UGT1A4: variants seen among roughly 807,000 people sequenced by gnomAD.
UGT1A4 encodes UDP glucuronosyltransferase family 1 member A4.
In UGT1A4, 32 loss-of-function variants were observed where a neutral mutation model predicts 41.1. The ratio of observed to expected loss-of-function variants is 0.78; its 90% confidence interval spans 0.59 to 1.05. The LOEUF is 1.05. Among genes scored for constraint, UGT1A4 ranks in the 50% least tolerant of loss-of-function variants. The pLI is 0.00. For synonymous variants in UGT1A4, 283 were observed against 265.1 expected (o/e 1.07, Z -0.66); for missense variants, 748 against 677.4 (o/e 1.10, Z -1.16).
At position 233,768,743 on chromosome 2, in the gene UGT1A4, C is replaced by T. The variant is rs540797215; in HGVS notation, c.1307+304C>T. Among the ~76,000 whole-genome samples the T allele has an allele frequency of 5.3e-5, 8 of 151,788 alleles. No homozygotes were observed. In the South Asian group the frequency reaches 1.3e-3, roughly 24 times the overall value. On this transcript the variant is annotated intron_variant, in intron 4 of 4. Coordinates refer to ENST00000373409, the MANE Select transcript of UGT1A4 (RefSeq NM_007120.3). ...GATTACAGGTGTCCACCACCACGCC[C>T]GGTTAATTTTTGTATTTTTTAGTAG...
At chr2:233,770,794 T>A (rs1195503821) in intron 4 of UGT1A4, 2 of 152,196 alleles carry the variant, frequency 1.3e-5, no homozygotes, top group Non-Finnish European at 2.9e-5. Flanking sequence ...ATTATAGATA[T>A]GTTTAAAGAC....
intron 1 of UGT1A4, among the ~76,000 whole-genome samples, chr2:233,752,997 A>G (rs1695105472): frequency 6.6e-6 from 1 of 151,602 alleles, no homozygotes. Context: ...CACTCATTCT[A>G]TCCTACCCAG....
chr2:233,734,937 T>C lies in UGT1A4; in HGVS notation c.867+15250T>C, dbSNP rs140853448. 9.9e-3 allele frequency among the ~76,000 whole-genome samples: 1,505 copies of C among 152,312 alleles called. 23 individuals are homozygous for C. Among genetic ancestry groups the C allele is most frequent in the African/African-American group, 0.035 (1,436 of 41,556 alleles). On this transcript the variant is annotated intron_variant, in intron 1 of 4. Coordinates refer to ENST00000373409, the MANE Select transcript of UGT1A4 (RefSeq NM_007120.3). ...CTAAGGAGTGCTTTACTTACAATCA[T>C]ATGGTCAGTTTTAGAATAAGTGTGA...
chr2:233,755,060 C>T, intron 1 of UGT1A4: 1 of 1,334,970 alleles, frequency 7.5e-7, no homozygotes, highest in Non-Finnish European at 1.0e-6. Context: ...CCGCCCTCGC[C>T]TCGCCATAGC....
At position 233,767,873 on chromosome 2, in the gene UGT1A4, C is replaced by T. The variant is rs72551349; in HGVS notation, c.1024C>T (p.Arg342Ter). 2.0e-5 allele frequency: 32 copies of T among 1,614,038 alleles called. No homozygotes were observed. Among genetic ancestry groups the T allele is most frequent in the South Asian group, 1.5e-4 (14 of 91,082 alleles). The change falls in exon 3 of 5, where the codon CGA becomes TGA. Residue 342 changes from arginine (R) to a stop codon, truncating the protein, a stop_gained. Transcript: ENST00000373409. LOFTEE classifies it high-confidence loss of function. Reference sequence around the variant, plus strand: ...GGTCCTGTGGCGGTACACTGGAACCCGACCATCGAATCTTGCGAACAACAC... The same window carrying T: ...GGTCCTGTGGCGGTACACTGGAACCTGACCATCGAATCTTGCGAACAACAC... ...QTVLWRYTGT[R>*]PSNLANNTIL...
intron 1 of UGT1A4, among the ~76,000 whole-genome samples, chr2:233,724,125 CA>C (rs1371340693): frequency 1.8e-5 from 2 of 108,584 alleles, no homozygotes; most frequent in Non-Finnish European, 3.7e-5. Flanking sequence ...AGGCGCCCCT[CA>C]CCTCCCGGAC....
At chr2:233,746,498 T>C (rs4663968) in intron 1 of UGT1A4, among the ~76,000 whole-genome samples, 12,171 of 151,768 alleles carry the variant, frequency 0.08, 741 homozygotes, top group East Asian at 0.2. Flanking sequence ...TGTCACTCTT[T>C]AGTAGCCCCC....
rs573640732 is a variant in UGT1A4, at chr2:233,742,006, C to A, written c.867+22319C>A. On this transcript the variant is annotated intron_variant, in intron 1 of 4. Coordinates refer to ENST00000373409, the MANE Select transcript of UGT1A4 (RefSeq NM_007120.3). The stretch of plus-strand genomic sequence containing the variant: ...CAAAAAATATTACAGATACACTTGG[C>A]TTTCATCAACCTAATTTGATATGTC... 5 of 152,014 alleles carry A rather than the reference C, an allele frequency of 3.3e-5. No individual in the cohort carries two copies. The South Asian group carries it at 8.3e-4, about 25-fold the overall frequency. 9.4% of individuals were successfully genotyped at this position (152,014 alleles called of 1,614,324 possible).
At chr2:233,722,817 G>C (rs1300822952) in intron 1 of UGT1A4, among the ~76,000 whole-genome samples, 1 of 147,336 alleles carries the variant, frequency 6.8e-6, no homozygotes, top group Admixed American at 6.7e-5. Flanking sequence ...ATTTTTTCAA[G>C]TTATTTTGTA....
rs199723856 is a variant in UGT1A4, at chr2:233,772,452, G to C, written c.1498G>C (p.Val500Leu). Residue 500 changes from valine (V) to leucine (L), a missense_variant, in exon 5 of 5, where the codon GTG (valine) becomes CTG (leucine). By Grantham distance (32) the Val-to-Leu change is conservative. Coordinates refer to ENST00000373409, the MANE Select transcript of UGT1A4 (RefSeq NM_007120.3). ...LDVIGFLLAV[V>L]LTVAFITFKC... Reference sequence around the variant, plus strand: ...CGTGATTGGTTTCCTCTTGGCCGTCGTGCTGACAGTGGCCTTCATCACCTT... The same window carrying C: ...CGTGATTGGTTTCCTCTTGGCCGTCCTGCTGACAGTGGCCTTCATCACCTT... 6.2e-7 allele frequency: 1 copy of C among 1,614,176 alleles called. No homozygotes were observed. Among genetic ancestry groups the C allele is most frequent in the Non-Finnish European group, 8.5e-7 (1 of 1,180,044 alleles).
chr2:233,743,706 C>T (rs776716166), intron 1 of UGT1A4: 66 of 1,367,252 alleles, frequency 4.8e-5, no homozygotes, highest in Non-Finnish European at 6.3e-5. Context: ...TCCGCCCCCG[C>T]CTCGCCATAG....
At chr2:233,747,089 AC>A in intron 1 of UGT1A4, 1 of 1,215,556 alleles carries the variant, frequency 8.2e-7, no homozygotes, top group Non-Finnish European at 1.1e-6. Context: ...GGAGGAGAGC[AC>A]TCTATCTTCC....
chr2:233,749,829 T>C (rs758485445), intron 1 of UGT1A4, among the ~76,000 whole-genome samples: 1 of 151,956 alleles, frequency 6.6e-6, no homozygotes, highest in Non-Finnish European at 1.5e-5. Context: ...CTCTCTTTCA[T>C]GTAAGACGTG....
At chr2:233,723,435 C>T (rs1211906407) in intron 1 of UGT1A4, among the ~76,000 whole-genome samples, 2 of 136,680 alleles carry the variant, frequency 1.5e-5, no homozygotes, top group East Asian at 4.4e-4. Context: ...GTCTCGAACT[C>T]CTGACCTCAG....
intron 1 of UGT1A4, chr2:233,729,300 A>G (rs143500969): frequency 9.7e-5 from 156 of 1,614,266 alleles, no homozygotes; most frequent in East Asian, 1.6e-4. Flanking sequence ...GCCACCAGGC[A>G]GTGGTCCTCA....
At chr2:233,752,366 A>C (rs1575711623) in intron 1 of UGT1A4, 1 of 152,202 alleles carries the variant, frequency 6.6e-6, no homozygotes, top group Non-Finnish European at 1.5e-5. Context: ...TAGGGGTCTC[A>C]AGAGGGTCAT....
chr2:233,768,076 A>G (rs1699558493), intron 3 of UGT1A4, 140 bp downstream of exon 3: 2 of 1,593,048 alleles, frequency 1.3e-6, no homozygotes, highest in African/African-American at 1.3e-5. Flanking sequence ...CTAGTGGGGT[A>G]TCTCAACCCA....
In UGT1A4 at chr2:233,772,606, T is replaced by C. The variant is rs34895241; in HGVS notation, c.*47T>C. 98 of 1,584,170 alleles carry C rather than the reference T, an allele frequency of 6.2e-5. No homozygotes were observed. Among genetic ancestry groups the C allele is most frequent in the Admixed American group, 4.5e-4 (25 of 55,206 alleles). On this transcript the variant is annotated 3_prime_UTR_variant, in exon 5 of 5. Transcript: ENST00000373409. The stretch of plus-strand genomic sequence containing the variant: ...AAAATTTTGAACCATTCCCTAGTCA[T>C]TTCCAAACTTGAAAACAGAATCAGT...
At chr2:233,764,522 C>G (rs1698581178) in intron 1 of UGT1A4, among the ~76,000 whole-genome samples, 1 of 152,138 alleles carries the variant, frequency 6.6e-6, no homozygotes, top group Non-Finnish European at 1.5e-5. Context: ...TGAATCACAT[C>G]CTGCTGATTG....
Sources: allele counts gnomAD v4.1 joint callset (sites outside exome capture counted in the v4.1 genomes callset), GRCh38; gene constraint gnomAD v4.1.1; transcripts MANE v1.5; gene names NCBI Gene and HGNC (gene_info 2026-07-23, HGNC 2026-07-21).